MAGI3: variants seen among roughly 807,000 people sequenced by gnomAD.
MAGI3 encodes the protein membrane associated guanylate kinase, WW and PDZ domain containing 3, also known as membrane-associated guanylate kinase, WW and PDZ domain-containing protein 3.
Under a neutral mutation model 121.8 loss-of-function variants are expected in MAGI3, and 43 were observed. The observed-to-expected ratio is 0.35, with a 90% CI of 0.28 to 0.46. The LOEUF is 0.46. MAGI3 is among the 20% of genes least tolerant of loss of function. MAGI3 has a pLI of 1.00. For synonymous variants in MAGI3, 553 were observed against 639.3 expected (o/e 0.86, Z 2.04); for missense variants, 1,547 against 1,797.3 (o/e 0.86, Z 2.52).
rs545618507 is a variant in MAGI3, at chr1:113,548,796, C to T, written c.317-719C>T. Among the ~76,000 whole-genome samples, 34 of 152,174 alleles carry T rather than the reference C, an allele frequency of 2.2e-4. No homozygotes were observed. The East Asian group carries it at 3.5e-3, about 16-fold the overall frequency. On this transcript the variant is annotated intron_variant, in intron 1 of 20. Transcript: ENST00000307546. ...AGCAGGAAGGAGACAAGAATGATGC[C>T]GATTAGAAGGCTGGGACAGAATTCC...
intron 1 of MAGI3, among the ~76,000 whole-genome samples, chr1:113,420,276 A>G (rs1652671704): frequency 6.6e-6 from 1 of 152,220 alleles, no homozygotes; most frequent in Non-Finnish European, 1.5e-5. Context: ...ATGATTCTCT[A>G]TGCATAGCTC....
chr1:113,560,421 AC>A (rs970175147), intron 2 of MAGI3, among the ~76,000 whole-genome samples: 10 of 151,800 alleles, frequency 6.6e-5, no homozygotes, highest in African/African-American at 1.7e-4. Flanking sequence ...AACCAAAAAA[AC>A]AATAAAACAA....
rs753734557 is a variant in MAGI3, at chr1:113,649,234, C to T, written c.2156-3C>T. 2.4e-5 allele frequency: 38 copies of T among 1,606,676 alleles called. No individual in the cohort carries two copies. Among genetic ancestry groups the T allele is most frequent in the Non-Finnish European group, 3.1e-5 (37 of 1,177,370 alleles). On this transcript the variant is annotated splice_polypyrimidine_tract_variant and splice_region_variant and intron_variant, in intron 12 of 20. Transcript: ENST00000307546. ...AGTATTTATATTTTCTGATTTTCCT[C>T]AGCACCAAACACCAAAGATTTGGAT...
intron 1 of MAGI3, among the ~76,000 whole-genome samples, chr1:113,417,233 C>A (rs544685689): frequency 5.3e-4 from 81 of 151,978 alleles, no homozygotes; most frequent in Admixed American, 1.0e-3. Flanking sequence ...TTCAAAAATC[C>A]CCCATAAAAT....
At chr1:113,439,699 G>T (rs1653818209) in intron 1 of MAGI3, among the ~76,000 whole-genome samples, 1 of 152,128 alleles carries the variant, frequency 6.6e-6, no homozygotes, top group South Asian at 2.1e-4. Context: ...TCTCTTATGT[G>T]CCAGGGAATG....
At chr1:113,664,353 T>C (rs1467821911) in intron 16 of MAGI3, among the ~76,000 whole-genome samples, 1 of 152,212 alleles carries the variant, frequency 6.6e-6, no homozygotes, top group Non-Finnish European at 1.5e-5. Context: ...ACCTGTCCAC[T>C]TCCCTATAGA....
rs1229499775 is a variant in MAGI3 at position 113,422,692 on chromosome 1, A to G, written c.316+31343A>G. On this transcript the variant is annotated intron_variant, in intron 1 of 20. Coordinates refer to ENST00000307546, the MANE Select transcript of MAGI3 (RefSeq NM_001142782.2). This position sits in a 1 kb window ranked among gnomAD's most constrained non-coding sequence, Gnocchi z 4.3. Reference sequence around the variant, plus strand: ...CGGGCACTAGTGTCTGGATAAGGGAACGTGGTGGCGCCTGAAAGCTGAGAG... The same window carrying G: ...CGGGCACTAGTGTCTGGATAAGGGAGCGTGGTGGCGCCTGAAAGCTGAGAG... Among the ~76,000 whole-genome samples, 1 of 152,190 alleles carries G rather than the reference A, an allele frequency of 6.6e-6. No homozygotes were observed. Among genetic ancestry groups the G allele is most frequent in the Non-Finnish European group, 1.5e-5 (1 of 68,020 alleles).
intron 1 of MAGI3, among the ~76,000 whole-genome samples, chr1:113,515,462 A>G (rs1000610008): frequency 5.9e-5 from 9 of 152,144 alleles, no homozygotes; most frequent in African/African-American, 2.2e-4. Context: ...TTATTTATAT[A>G]TGACCTCCAA....
intron 11 of MAGI3, among the ~76,000 whole-genome samples, chr1:113,644,134 A>G (rs758551318): frequency 6.6e-6 from 1 of 152,176 alleles, no homozygotes; most frequent in Non-Finnish European, 1.5e-5. Flanking sequence ...GACAGATGAT[A>G]AACTATTACA....
chr1:113,553,289 A>C (rs1451054446), intron 2 of MAGI3, among the ~76,000 whole-genome samples: 1 of 152,184 alleles, frequency 6.6e-6, no homozygotes, highest in Admixed American at 6.5e-5. Flanking sequence ...CAGAAATCTG[A>C]GTTCAAGAAG....
At chr1:113,590,709 G>C (rs1408615644) in intron 5 of MAGI3, 51 bp downstream of exon 5, 2 of 1,491,262 alleles carry the variant, frequency 1.3e-6, no homozygotes. Context: ...GTTGAGGATT[G>C]TCTAAGATTT....
At chr1:113,616,275 A>G (rs979553677) in intron 7 of MAGI3, among the ~76,000 whole-genome samples, 4 of 152,174 alleles carry the variant, frequency 2.6e-5, no homozygotes, top group African/African-American at 4.8e-5. Context: ...GAATGAGCTC[A>G]TTTTACAGGA....
chr1:113,437,806 T>TCTTCTTCTTCTTCTTC, intron 1 of MAGI3, among the ~76,000 whole-genome samples: 1 of 119,582 alleles, frequency 8.4e-6, no homozygotes, highest in South Asian at 3.1e-4. Context: ...TCTTTCTTCT[T>TCTTCTTCTTCTTCTTC]TTCTTCTTCT....
intron 1 of MAGI3, among the ~76,000 whole-genome samples, chr1:113,437,544 T>G (rs981400145): frequency 6.6e-6 from 1 of 152,174 alleles, no homozygotes; most frequent in Non-Finnish European, 1.5e-5. Context: ...AATTTTTCAT[T>G]CAGTTATTTA....
At chr1:113,574,894 CTT>C (rs1647526207) in intron 2 of MAGI3, among the ~76,000 whole-genome samples, 4 of 152,166 alleles carry the variant, frequency 2.6e-5, no homozygotes, top group South Asian at 4.2e-4. Flanking sequence ...CCTTTTCATT[CTT>C]TTTTCTCTAA....
chr1:113,421,756 A>G (rs1386092208), intron 1 of MAGI3, among the ~76,000 whole-genome samples: 1 of 152,196 alleles, frequency 6.6e-6, no homozygotes, highest in African/African-American at 2.4e-5. Context: ...AAGGAACCAG[A>G]TATAAGGGAC....
intron 1 of MAGI3, among the ~76,000 whole-genome samples, chr1:113,541,619 A>C (rs548248784): frequency 1.3e-5 from 2 of 152,340 alleles, no homozygotes; most frequent in South Asian, 4.1e-4. Flanking sequence ...TCTGAGTTTA[A>C]AACCTTGGAT....
intron 1 of MAGI3, among the ~76,000 whole-genome samples, chr1:113,476,230 G>A (rs749519389): frequency 7.2e-5 from 11 of 151,888 alleles, no homozygotes; most frequent in Non-Finnish European, 1.5e-4. Context: ...TTTCACTTCT[G>A]CTCTGATCTT....
intron 1 of MAGI3, chr1:113,450,095 C>A (rs1654399906): frequency 6.7e-7 from 1 of 1,484,144 alleles, no homozygotes; most frequent in African/African-American, 1.4e-5. Context: ...AAATTGAAAC[C>A]ATAGAAGTTA....
Sources: gnomAD v4.1 joint callset for allele counts (sites outside exome capture counted in the v4.1 genomes callset) on GRCh38, gnomAD v4.1.1 for gene constraint, Gnocchi (gnomAD v3.1) non-coding constraint, MANE v1.5 for transcripts, NCBI Gene and HGNC (gene_info 2026-07-23, HGNC 2026-07-21) for gene names.